HMCN1: variants seen among roughly 807,000 people sequenced by gnomAD.
HMCN1 encodes hemicentin-1.
HMCN1 carries 321 observed loss-of-function variants against 625.9 expected under a neutral mutation model. That is an observed-to-expected ratio of 0.51 (90% CI 0.47 to 0.56). The LOEUF (loss-of-function observed/expected upper bound fraction) is 0.56, where lower values mean the gene tolerates loss of function less well. HMCN1 is among the 20% of genes least tolerant of loss of function. The pLI is 0.00. For synonymous variants in HMCN1, 2,425 were observed against 2,417.6 expected, an observed-to-expected ratio of 1.00 and a Z score of -0.09; for missense variants, 6,588 against 6,887.3, an observed-to-expected ratio of 0.96 and a Z score of 1.54.
At chr1:186,079,863 T>A (rs1301339233) in intron 55 of HMCN1, among the ~76,000 whole-genome samples, 1 of 152,084 alleles carries the variant, frequency 6.6e-6, no homozygotes, top group Admixed American at 6.6e-5. Context: ...TTAGGGCTGT[T>A]TCAAGTCTGC....
chr1:185,956,488 AG>A (rs1649641197), intron 11 of HMCN1, among the ~76,000 whole-genome samples: 1 of 152,250 alleles, frequency 6.6e-6, no homozygotes, highest in Admixed American at 6.5e-5. Context: ...GATATTACAA[AG>A]AATACAGATG....
chr1:185,865,719 C>CT (rs57584779), intron 3 of HMCN1, 22 bp from the exon 4 acceptor site: 74,009 of 896,392 alleles, frequency 0.083, 1,147 homozygotes, highest in African/African-American at 0.19. Context: ...TACACTGTTT[C>CT]TTTTTTTTTT....
chr1:185,892,626 G>C (rs1458916865), intron 4 of HMCN1, among the ~76,000 whole-genome samples: 1 of 152,142 alleles, frequency 6.6e-6, no homozygotes, highest in East Asian at 1.9e-4. Flanking sequence ...GCTGCTCGGG[G>C]GTCGGGGGTC....
chr1:185,883,879 A>ATTTT (rs1205211897), intron 4 of HMCN1, among the ~76,000 whole-genome samples: 1 of 55,934 alleles, frequency 1.8e-5, no homozygotes, highest in African/African-American at 6.1e-5. Flanking sequence ...ATAGGTCATG[A>ATTTT]TTTTTTTTTT....
intron 1 of HMCN1, among the ~76,000 whole-genome samples, chr1:185,777,481 C>T (rs1208172144): frequency 6.6e-6 from 1 of 151,522 alleles, no homozygotes; most frequent in African/African-American, 2.4e-5. Flanking sequence ...GAGATGGAGT[C>T]TCGCTCTGTC....
At chr1:185,983,119 CATT>C (rs1651765815) in intron 18 of HMCN1, among the ~76,000 whole-genome samples, 1 of 152,018 alleles carries the variant, frequency 6.6e-6, no homozygotes, top group Admixed American at 6.6e-5. Flanking sequence ...ACATATCTCT[CATT>C]ATGAACTATA....
At chr1:185,871,228 C>CA (rs556627020) in intron 4 of HMCN1, among the ~76,000 whole-genome samples, 2,512 of 67,062 alleles carry the variant, frequency 0.037, 30 homozygotes, top group Non-Finnish European at 0.057. Context: ...GACTCCGTCT[C>CA]AAAAAAAAAA....
At chr1:186,105,612 T>C (rs1314461727) in intron 69 of HMCN1, among the ~76,000 whole-genome samples, 3 of 152,236 alleles carry the variant, frequency 2.0e-5, no homozygotes, top group Non-Finnish European at 4.4e-5. Flanking sequence ...TGAGCCATAA[T>C]GCATGTCCAC....
intron 4 of HMCN1, among the ~76,000 whole-genome samples, chr1:185,872,634 G>C (rs1328726615): frequency 6.6e-6 from 1 of 152,118 alleles, no homozygotes; most frequent in Non-Finnish European, 1.5e-5. Context: ...CTCTCCTGCA[G>C]TCTGAAACAG....
Position 186,123,208 on chromosome 1 carries a change from C to T in HMCN1, c.12487C>T (p.Leu4163Phe). ...VAGSSSTSTK[L>F]TVHVPPRIRS... ...AGGATCAAGCAGCACAAGCACCAAG[C>T]TCACCGTCCATGGTAGGTTGTTTAA... The change falls in exon 81 of 107, where the codon CTC (leucine) becomes TTC (phenylalanine). Residue 4163 changes from leucine to phenylalanine, a missense_variant. Physicochemically the swap from Leu to Phe is conservative, Grantham distance 22 (BLOSUM62 0). Around this residue, in one of 3 missense-constraint regions of HMCN1, gnomAD observed 1,954 missense variants for 2,013.1 expected, o/e 0.97. Transcript: ENST00000271588. The T allele has an allele frequency of 6.2e-7, 1 of 1,613,726 alleles. No individual in the cohort carries two copies. Among genetic ancestry groups the T allele is most frequent in the South Asian group, 1.1e-5 (1 of 91,014 alleles).
At chr1:186,177,665 T>G (rs553979138) in intron 103 of HMCN1, among the ~76,000 whole-genome samples, 1 of 152,322 alleles carries the variant, frequency 6.6e-6, no homozygotes, top group East Asian at 1.9e-4. Context: ...AGTAGTTACT[T>G]TTTTAAAATT....
intron 55 of HMCN1, among the ~76,000 whole-genome samples, chr1:186,078,863 A>G (rs1658990770): frequency 6.6e-6 from 1 of 152,162 alleles, no homozygotes; most frequent in African/African-American, 2.4e-5. Context: ...TTGAAGAAGT[A>G]TTTTTCCTGT....
intron 1 of HMCN1, among the ~76,000 whole-genome samples, chr1:185,842,374 C>A (rs1661528241): frequency 6.6e-6 from 1 of 152,072 alleles, no homozygotes; most frequent in Non-Finnish European, 1.5e-5. Flanking sequence ...CCAGCCTGGG[C>A]AACATAGTGA....
intron 29 of HMCN1, among the ~76,000 whole-genome samples, chr1:186,005,701 G>A (rs188384337): frequency 8.2e-4 from 125 of 151,886 alleles, no homozygotes; most frequent in African/African-American, 2.9e-3. Context: ...TCACATTAGG[G>A]GCCACAGACC....
intron 4 of HMCN1, among the ~76,000 whole-genome samples, chr1:185,909,027 G>A (rs1213301274): frequency 1.3e-5 from 2 of 151,844 alleles, no homozygotes; most frequent in East Asian, 3.9e-4. Flanking sequence ...CTTATCTCTT[G>A]AGACAGCGAA....
intron 10 of HMCN1, among the ~76,000 whole-genome samples, chr1:185,929,941 A>G (rs1000344397): frequency 1.3e-5 from 2 of 152,202 alleles, no homozygotes; most frequent in Non-Finnish European, 2.9e-5. Flanking sequence ...ACACTTGAAC[A>G]CTTGAGTATT....
chr1:185,963,936 A>C, intron 13 of HMCN1, 41 bp downstream of exon 13: 1 of 1,558,476 alleles, frequency 6.4e-7, no homozygotes, highest in Non-Finnish European at 8.8e-7. Context: ...AATAGGATGA[A>C]TATCACATCA....
chr1:185,747,967 CAG>C (rs1553233375), intron 1 of HMCN1, among the ~76,000 whole-genome samples: 4 of 147,782 alleles, frequency 2.7e-5, no homozygotes, highest in Non-Finnish European at 4.4e-5. Context: ...CAAGTTCTGA[CAG>C]GGAGAGAGTT....
rs965506619 is a variant in HMCN1, at chr1:186,166,202, C to T, written c.15338C>T (p.Ala5113Val). Residue 5113 changes from alanine (A) to valine (V), a missense_variant, in exon 99 of 107, where the codon GCA becomes GTA. Physicochemically the swap from Ala to Val is moderately conservative, Grantham distance 64 (BLOSUM62 0). Coordinates refer to ENST00000271588, the MANE Select transcript of HMCN1 (RefSeq NM_031935.3). ...PFCADEDECA[A>V]GNPCSHSCHN... is the part of the protein sequence containing the mutation. ...CTTTAAGATGAGGATGAATGTGCAG[C>T]AGGGAATCCCTGCTCCCATAGCTGC... 5.0e-6 allele frequency: 8 copies of T among 1,614,110 alleles called. No homozygotes were observed. Among genetic ancestry groups the T allele is most frequent in the Non-Finnish European group, 6.8e-6 (8 of 1,180,006 alleles).
Sources: allele counts gnomAD v4.1 joint callset (sites outside exome capture counted in the v4.1 genomes callset), GRCh38; gene constraint gnomAD v4.1.1; regional missense constraint gnomAD v4.1.1; transcripts MANE v1.5; gene names NCBI Gene and HGNC (gene_info 2026-07-23, HGNC 2026-07-21).